The following LRRC57 variants were observed in gnomAD, a reference collection of about 807,000 sequenced individuals.
The protein encoded by LRRC57 is leucine-rich repeat-containing protein 57.
In LRRC57, 14 loss-of-function variants were observed where a neutral mutation model predicts 23.1. The ratio of observed to expected loss-of-function variants is 0.61; its 90% CI spans 0.40 to 0.95. The LOEUF (loss-of-function observed/expected upper bound fraction) is 0.95. Among genes scored for constraint, LRRC57 ranks in the 40% least tolerant of loss-of-function variants. The probability of loss-of-function intolerance (pLI) is 0.00; values close to 1 mark genes in which losing one functional copy is unlikely to be tolerated. For synonymous variants in LRRC57, 106 were observed against 115.2 expected (o/e 0.92, Z 0.51); for missense variants, 236 against 284.4 (o/e 0.83, Z 1.22).
At chr15:42,533,428 T>A (rs2057583401), downstream of LRRC57, among the ~76,000 whole-genome samples, 2 of 152,208 alleles carry the variant, frequency 1.3e-5, no homozygotes, top group Admixed American at 1.3e-4. Context: ...TAAAGTGAGA[T>A]GCAACTACAC....
At chr15:42,548,013 G>A in intron 3 of LRRC57, 93 bp downstream of exon 3, 1 of 1,396,456 alleles carries the variant, frequency 7.2e-7, no homozygotes, top group Admixed American at 2.0e-5. Context: ...CTCCTGCACG[G>A]TTTCATAACA....
chr15:42,544,750 G>C (rs538680294), intron 5 of LRRC57, among the ~76,000 whole-genome samples: 44 of 150,810 alleles, frequency 2.9e-4, no homozygotes, highest in African/African-American at 1.0e-3. Flanking sequence ...GGAGGTGAAG[G>C]CTGCGCCAGT....
chr15:42,537,389 G>A (rs756355921), downstream of LRRC57, among the ~76,000 whole-genome samples: 1 of 152,146 alleles, frequency 6.6e-6, no homozygotes, highest in African/African-American at 2.4e-5. Context: ...TCAAAAGTGA[G>A]AAAATGCTGG....
At chr15:42,536,942 C>T (rs763492095), downstream of LRRC57, among the ~76,000 whole-genome samples, 13 of 152,194 alleles carry the variant, frequency 8.5e-5, no homozygotes, top group African/African-American at 1.2e-4. Flanking sequence ...CCATAATGAT[C>T]TGTGTCCCCT....
chr15:42,534,511 T>G (rs1285292161), downstream of LRRC57, among the ~76,000 whole-genome samples: 1 of 152,238 alleles, frequency 6.6e-6, no homozygotes, highest in African/African-American at 2.4e-5. Flanking sequence ...TGTTGGTATC[T>G]TGACCTCCTT....
the LRRC57 span, chr15:42,531,264 C>A: frequency 2.1e-6 from 1 of 480,790 alleles, no homozygotes; most frequent in Non-Finnish European, 3.7e-6. Flanking sequence ...ATTTCATATT[C>A]TGTTACTTCT....
chr15:42,541,191 C>G lies in LRRC57; in HGVS notation c.*2892G>C, dbSNP rs945545600. ...GGTATGGATAAACTAGTACCCCTTT[C>G]AAAGTGAGAAATAGAAAATGACATA... On this transcript the variant is annotated 3_prime_UTR_variant, in exon 6 of 6. Transcript: ENST00000397130. 1 of 151,992 alleles carries G rather than the reference C, an allele frequency of 6.6e-6. No homozygotes were observed. Among genetic ancestry groups the G allele is most frequent in the Non-Finnish European group, 1.5e-5 (1 of 67,970 alleles). 9.4% of individuals were successfully genotyped at this position (151,992 alleles called of 1,614,324 possible). A position where few individuals can be genotyped will look rare whatever the true frequency, so the allele number is the denominator to read the frequency against.
chr15:42,537,182 C>T (rs1354471293), downstream of LRRC57, among the ~76,000 whole-genome samples: 1 of 151,516 alleles, frequency 6.6e-6, no homozygotes, highest in Non-Finnish European at 1.5e-5. Flanking sequence ...TGTTCAGGAC[C>T]AGCCTGGGCA....
Position 42,545,204 on chromosome 15 carries a change from T to C in LRRC57, c.551A>G (p.Glu184Gly). The change falls in exon 5 of 6, where the codon GAA becomes GGA. Residue 184 changes from glutamate (E) to glycine (G), a missense_variant. Transcript: ENST00000397130. ...CATGCTGAGCTCAAGACAATTCTCT[T>C]CCAGGCGAAGAATTTTAAGGCGTGG... ...CCPRLKILRL[E>G]ENCLELSMLP... 1 of 1,609,048 alleles carries C rather than the reference T, an allele frequency of 6.2e-7. No homozygotes were observed. Among genetic ancestry groups the C allele is most frequent in the Non-Finnish European group, 8.5e-7 (1 of 1,178,132 alleles).
chr15:42,548,205 T>C lies in LRRC57; in HGVS notation c.124A>G (p.Thr42Ala). The C allele has an allele frequency of 6.2e-7, 1 of 1,614,188 alleles. No homozygotes were observed. Among genetic ancestry groups the C allele is most frequent in the East Asian group, 2.2e-5 (1 of 44,876 alleles). ...ATCTTGTTGTTGGACAAGTCGATGG[T>C]CCTGAGATTGCTCGTCAGCTTCTGC... ...DLQKLTSNLR[T>A]IDLSNNKIES... The change falls in exon 3 of 6, where the codon ACC becomes GCC. Residue 42 changes from threonine to alanine, a missense_variant. Physicochemically the swap from Thr to Ala is moderately conservative, Grantham distance 58. Transcript: ENST00000397130.
downstream of LRRC57, among the ~76,000 whole-genome samples, chr15:42,533,516 G>A (rs190329666): frequency 4.6e-5 from 7 of 152,248 alleles, no homozygotes; most frequent in Admixed American, 6.5e-5. Context: ...GGTGTAAAAC[G>A]GAGGATTGTG....
In LRRC57 at chr15:42,547,501, C is replaced by G. The variant is rs1216551037; in HGVS notation, c.252G>C (p.Leu84=). 1 of 1,613,178 alleles carries G rather than the reference C, an allele frequency of 6.2e-7. No homozygotes were observed. Among genetic ancestry groups the G allele is most frequent in the African/African-American group, 1.3e-5 (1 of 74,852 alleles). ...TTAGGCTTAGCGTCTCTAGTTTTTT[C>G]AGATTGCATATCTCATCAGGCAGAA... The part of the protein sequence containing the change: ...LTVLPDEICN[L]KKLETLSLNN... The change falls in exon 4 of 6, where the codon CTG becomes CTC. Residue 84 remains leucine, a synonymous_variant. Coordinates refer to ENST00000397130, the MANE Select transcript of LRRC57 (RefSeq NM_153260.3).
downstream of LRRC57, among the ~76,000 whole-genome samples, chr15:42,537,522 G>C (rs1226668028): frequency 2.6e-5 from 4 of 152,064 alleles, no homozygotes; most frequent in African/African-American, 9.7e-5. Context: ...ATACTATCCA[G>C]CAATCATACT....
chr15:42,547,569 A>G (rs1195305860), intron 3 of LRRC57, 40 bp from the exon 4 acceptor site: 14 of 1,559,200 alleles, frequency 9.0e-6, no homozygotes, highest in Non-Finnish European at 1.1e-5. Context: ...AATGTGATAG[A>G]GCTGAAAACA....
rs957660313 is a variant in LRRC57 at position 42,539,334 on chromosome 15, T to A, written c.*4749A>T. On this transcript the variant is annotated 3_prime_UTR_variant, in exon 6 of 6. Transcript: ENST00000397130. ...TTTTACTAAAAATACAAAAATTAGC[T>A]GGGCGTGGTGGTGGGCACCTGTAAT... 9.2e-5 allele frequency: 14 copies of A among 151,558 alleles called. No individual in the cohort carries two copies. Among genetic ancestry groups the A allele is most frequent in the African/African-American group, 3.4e-4 (14 of 41,186 alleles). The allele number at this position is 151,558 out of a possible 1,614,324, so 9.4% of individuals were successfully genotyped here.
At chr15:42,547,784 A>G in intron 3 of LRRC57, 1 of 543,308 alleles carries the variant, frequency 1.8e-6, no homozygotes, top group Non-Finnish European at 3.2e-6. Context: ...TCCGACAGCA[A>G]TTTTGTGATA....
intron 3 of LRRC57, 111 bp downstream of exon 3, chr15:42,547,995 C>A (rs1294500765): frequency 9.0e-7 from 1 of 1,105,816 alleles, no homozygotes. Context: ...GCATTCGCAA[C>A]TTGAGCCCTC....
chr15:42,532,795 AATTT>A, the LRRC57 span: 1 of 152,656 alleles, frequency 6.6e-6, no homozygotes, highest in African/African-American at 2.4e-5. Flanking sequence ...AAAAAGTTAG[AATTT>A]ATTCTGTAAC....
At chr15:42,531,492 C>A in the LRRC57 span, 1 of 1,586,564 alleles carries the variant, frequency 6.3e-7, no homozygotes, top group Non-Finnish European at 8.6e-7. Flanking sequence ...TACTGCTGTT[C>A]TTCTTTATCA....
Sources: allele counts gnomAD v4.1 joint callset (sites outside exome capture counted in the v4.1 genomes callset), GRCh38; gene constraint gnomAD v4.1.1; transcripts MANE v1.5; gene names NCBI Gene and HGNC (gene_info 2026-07-23, HGNC 2026-07-21).